The following GRIN3A variants were observed in gnomAD, a reference collection of about 807,000 sequenced individuals.
The protein encoded by GRIN3A is glutamate receptor ionotropic, NMDA 3A.
Under a neutral mutation model 92.4 loss-of-function variants are expected in GRIN3A, and 47 were observed. The observed-to-expected ratio is 0.51, with a 90% CI of 0.40 to 0.65. The LOEUF (loss-of-function observed/expected upper bound fraction) is 0.65. Among genes scored for constraint, GRIN3A ranks in the 30% least tolerant of loss-of-function variants. The pLI, the probability that GRIN3A is intolerant of heterozygous loss-of-function variation, is 0.00. For missense variants in GRIN3A, 1,324 were observed against 1,393.1 expected (o/e 0.95, Z 0.79); for synonymous variants, 527 against 540.6 (o/e 0.97, Z 0.35).
chr9:101,604,362 C>G (rs10116531), intron 6 of GRIN3A, among the ~76,000 whole-genome samples: 1 of 152,052 alleles, frequency 6.6e-6, no homozygotes, highest in Non-Finnish European at 1.5e-5. Context: ...TCCCTTTCTT[C>G]AGGCCTAATT....
chr9:101,648,247 T>A (rs1480856949), intron 3 of GRIN3A, among the ~76,000 whole-genome samples: 1 of 152,094 alleles, frequency 6.6e-6, no homozygotes, highest in Non-Finnish European at 1.5e-5. Context: ...GCATGTTGTT[T>A]AATTTCCATA....
At chr9:101,603,903 C>A (rs1392292116) in intron 6 of GRIN3A, among the ~76,000 whole-genome samples, 4 of 152,240 alleles carry the variant, frequency 2.6e-5, no homozygotes, top group Non-Finnish European at 4.4e-5. Context: ...CTCCAGGAAG[C>A]CTGCTTTGAT....
chr9:101,653,831 CTA>C (rs1219580781), intron 3 of GRIN3A, among the ~76,000 whole-genome samples: 1 of 151,670 alleles, frequency 6.6e-6, no homozygotes, highest in African/African-American at 2.4e-5. Flanking sequence ...TGCTAAAACT[CTA>C]TTGTATGTGT....
chr9:101,683,536 A>G (rs1829489803), intron 2 of GRIN3A, among the ~76,000 whole-genome samples: 1 of 152,224 alleles, frequency 6.6e-6, no homozygotes, highest in Admixed American at 6.5e-5. Context: ...GTTATTCATT[A>G]TAAAGTCTCC....
intron 1 of GRIN3A, among the ~76,000 whole-genome samples, chr9:101,701,260 G>C (rs538790342): frequency 6.6e-6 from 1 of 152,216 alleles, no homozygotes; most frequent in South Asian, 2.1e-4. Context: ...AGGATGTGCA[G>C]ATTTGTTACA....
intron 1 of GRIN3A, among the ~76,000 whole-genome samples, chr9:101,702,646 T>A (rs934748665): frequency 6.6e-6 from 1 of 152,198 alleles, no homozygotes; most frequent in Non-Finnish European, 1.5e-5. Context: ...ATATCATCTA[T>A]ACCCCTTATT....
chr9:101,682,749 G>A (rs558558593), intron 2 of GRIN3A, among the ~76,000 whole-genome samples: 9 of 152,324 alleles, frequency 5.9e-5, no homozygotes, highest in Non-Finnish European at 1.2e-4. Context: ...TCGGGAGGCC[G>A]AGGCGGGCGG....
intron 7 of GRIN3A, among the ~76,000 whole-genome samples, chr9:101,578,236 A>G (rs1160021638): frequency 1.3e-5 from 2 of 152,186 alleles, no homozygotes; most frequent in Non-Finnish European, 2.9e-5. Context: ...AATTAAGTTA[A>G]TCATATTAGC....
intron 2 of GRIN3A, among the ~76,000 whole-genome samples, chr9:101,673,224 A>T (rs11793342): frequency 0.33 from 50,829 of 151,920 alleles, 9,425 homozygotes; most frequent in Non-Finnish European, 0.42. Flanking sequence ...ATATCAGAAA[A>T]AGGCACTAGA....
At chr9:101,655,538 G>C (rs1829076481) in intron 3 of GRIN3A, among the ~76,000 whole-genome samples, 1 of 151,904 alleles carries the variant, frequency 6.6e-6, no homozygotes, top group African/African-American at 2.4e-5. Flanking sequence ...TCTTATCATT[G>C]TATGCTTAAT....
At chr9:101,636,981 C>T (rs1828792967) in intron 3 of GRIN3A, among the ~76,000 whole-genome samples, 1 of 152,188 alleles carries the variant, frequency 6.6e-6, no homozygotes, top group African/African-American at 2.4e-5. Flanking sequence ...CTTATGTGCC[C>T]TTGGGGGTTC....
Position 101,582,914 on chromosome 9 carries a change from G to A in GRIN3A, c.2767-3554C>T, listed in dbSNP as rs73505281. Among the ~76,000 whole-genome samples, 1,100 of 152,206 alleles carry A rather than the reference G, an allele frequency of 7.2e-3. 14 individuals carry two copies. The highest frequency in any genetic ancestry group is 0.026 in the African/African-American group (1,060 of 41,504). On this transcript the variant is annotated intron_variant, in intron 6 of 8. Coordinates refer to ENST00000361820, the MANE Select transcript of GRIN3A (RefSeq NM_133445.3). ...TCTCTTAGTACCTCAATAACAAATAGGCCGTATTGTTTATATTATACATTT... is the reference window on the plus strand; with the variant it reads ...TCTCTTAGTACCTCAATAACAAATAAGCCGTATTGTTTATATTATACATTT...
intron 1 of GRIN3A, among the ~76,000 whole-genome samples, chr9:101,706,224 A>G (rs1829815067): frequency 6.6e-6 from 1 of 152,204 alleles, no homozygotes; most frequent in Non-Finnish European, 1.5e-5. Flanking sequence ...AGAAATACAG[A>G]TAGAGGTGCC....
intron 1 of GRIN3A, among the ~76,000 whole-genome samples, chr9:101,701,273 G>A (rs1829748595): frequency 6.6e-6 from 1 of 152,032 alleles, no homozygotes; most frequent in Non-Finnish European, 1.5e-5. Context: ...TTGTTACATA[G>A]GTAAACGTAT....
chr9:101,666,238 T>C (rs1242593406), intron 3 of GRIN3A, among the ~76,000 whole-genome samples: 1 of 152,002 alleles, frequency 6.6e-6, no homozygotes, highest in Non-Finnish European at 1.5e-5. Flanking sequence ...GGCCTCCCTC[T>C]GCCAGGATTC....
At chr9:101,628,959 T>G (rs191924122) in intron 3 of GRIN3A, among the ~76,000 whole-genome samples, 2 of 152,288 alleles carry the variant, frequency 1.3e-5, no homozygotes, top group African/African-American at 4.8e-5. Flanking sequence ...AGTATTTTTT[T>G]TAATAATTAG....
chr9:101,586,836 A>AT (rs1266144726), intron 6 of GRIN3A, among the ~76,000 whole-genome samples: 1 of 152,162 alleles, frequency 6.6e-6, no homozygotes, highest in African/African-American at 2.4e-5. Context: ...GAAACACTGG[A>AT]TATCAAAGGT....
chr9:101,622,413 T>C (rs1172919057), intron 5 of GRIN3A, among the ~76,000 whole-genome samples: 1 of 152,190 alleles, frequency 6.6e-6, no homozygotes, highest in Admixed American at 6.5e-5. Context: ...AAGCTGGGAA[T>C]TGGGAGAAGT....
chr9:101,695,778 T>C (rs971450441), intron 1 of GRIN3A, among the ~76,000 whole-genome samples: 1 of 152,146 alleles, frequency 6.6e-6, no homozygotes, highest in African/African-American at 2.4e-5. Flanking sequence ...TCAACACCAG[T>C]CATTATGCCT....
Sources: allele counts gnomAD v4.1 joint callset (sites outside exome capture counted in the v4.1 genomes callset), GRCh38; gene constraint gnomAD v4.1.1; transcripts MANE v1.5; gene names NCBI Gene and HGNC (gene_info 2026-07-23, HGNC 2026-07-21).